Variants in AGAP1 observed in about 807,000 individuals in gnomAD.
The protein encoded by AGAP1 is arf-GAP with GTPase, ANK repeat and PH domain-containing protein 1.
A neutral mutation model predicts 105.3 loss-of-function variants in AGAP1; 29 were observed. The observed-to-expected ratio is 0.28, with a 90% CI of 0.21 to 0.38. The LOEUF is 0.38. Among genes scored for constraint, AGAP1 ranks in the 10% least tolerant of loss-of-function variants. AGAP1 has a pLI of 1.00. For missense variants in AGAP1, 998 were observed against 1,165.1 expected (o/e 0.86, Z 2.09); for synonymous variants, 509 against 485.9 (o/e 1.05, Z -0.63).
At chr2:235,703,203 C>G (rs1342423101) in intron 1 of AGAP1, among the ~76,000 whole-genome samples, 1 of 152,050 alleles carries the variant, frequency 6.6e-6, no homozygotes, top group Non-Finnish European at 1.5e-5. Context: ...GCTGGGATTA[C>G]AGGCGTGAGT....
chr2:235,814,154 C>T (rs371443455), intron 9 of AGAP1, among the ~76,000 whole-genome samples: 33 of 152,122 alleles, frequency 2.2e-4, no homozygotes, highest in African/African-American at 6.0e-4. Context: ...AGTGTTTGGG[C>T]GCAAGAACTG....
chr2:235,710,877 C>T (rs1019213119), intron 2 of AGAP1, among the ~76,000 whole-genome samples: 13 of 152,156 alleles, frequency 8.5e-5, no homozygotes, highest in African/African-American at 2.4e-4. Context: ...GTGGATACAG[C>T]GCTGGCTCTG....
intron 1 of AGAP1, among the ~76,000 whole-genome samples, chr2:235,607,120 C>T (rs982150107): frequency 3.3e-5 from 5 of 152,102 alleles, no homozygotes; most frequent in African/African-American, 1.2e-4. Context: ...GGGTAAGGGA[C>T]GTTTCCCGGA....
chr2:235,518,244 C>CTGTT (rs1304392752), intron 1 of AGAP1, among the ~76,000 whole-genome samples: 2 of 152,228 alleles, frequency 1.3e-5, no homozygotes, highest in Non-Finnish European at 2.9e-5. Context: ...GCTGTTTACA[C>CTGTT]TGTTTGATTG....
rs2048630457 is a variant in AGAP1 at position 235,855,075 on chromosome 2, T to C, written c.1051-28270T>C. On this transcript the variant is annotated intron_variant, in intron 9 of 17. Coordinates refer to ENST00000304032, the MANE Select transcript of AGAP1 (RefSeq NM_001037131.3). This position sits in a 1 kb window ranked among gnomAD's most constrained non-coding sequence, Gnocchi z 5.0. ...TAAACTAGGGTGACTAATGGACCCTTATTTCGTGAAGGAACAGAAAAGTAG... is the reference window on the plus strand; with the variant it reads ...TAAACTAGGGTGACTAATGGACCCTCATTTCGTGAAGGAACAGAAAAGTAG... Among the ~76,000 whole-genome samples, 1 of 152,204 alleles carries C rather than the reference T, an allele frequency of 6.6e-6. No homozygotes were observed. The highest frequency in any genetic ancestry group is 1.9e-4 in the East Asian group (1 of 5,198).
chr2:236,069,968 T>C (rs2058455008), intron 16 of AGAP1, among the ~76,000 whole-genome samples: 1 of 152,272 alleles, frequency 6.6e-6, no homozygotes, highest in South Asian at 2.1e-4. Flanking sequence ...TTGACATGAA[T>C]GGCATGGCTT....
rs1413433751 is a variant in AGAP1 at position 235,751,339 on chromosome 2, G to A, written c.673+851G>A. Reference sequence around the variant, plus strand: ...GGGAGTGGTGGAAGTCACTTGTAGGGTCCTCTCCCCTTCTGGTTTAAATCC... The same window carrying A: ...GGGAGTGGTGGAAGTCACTTGTAGGATCCTCTCCCCTTCTGGTTTAAATCC... On this transcript the variant is annotated intron_variant, in intron 6 of 17. Transcript: ENST00000304032. The surrounding 1 kb of genome is among the most constrained non-coding windows in gnomAD (Gnocchi z 5.3). 6.6e-6 allele frequency among the ~76,000 whole-genome samples: 1 copy of A among 152,116 alleles called. No homozygotes were observed. Among genetic ancestry groups the A allele is most frequent in the Non-Finnish European group, 1.5e-5 (1 of 68,014 alleles).
chr2:235,677,705 A>T (rs1280355724), intron 1 of AGAP1, among the ~76,000 whole-genome samples: 1 of 151,552 alleles, frequency 6.6e-6, no homozygotes, highest in Non-Finnish European at 1.5e-5. Context: ...TGTCATTGCG[A>T]GGGTTTCTTT....
intron 1 of AGAP1, among the ~76,000 whole-genome samples, chr2:235,558,977 C>T (rs1944062159): frequency 6.6e-6 from 1 of 151,994 alleles, no homozygotes; most frequent in South Asian, 2.1e-4. Flanking sequence ...GGCCGGAGTA[C>T]GGTGGTGTGA....
intron 13 of AGAP1, among the ~76,000 whole-genome samples, chr2:236,033,851 T>A (rs1364479694): frequency 6.6e-6 from 1 of 152,268 alleles, no homozygotes; most frequent in Non-Finnish European, 1.5e-5. Flanking sequence ...GGGGACCAGT[T>A]GTGCAGAAAT....
intron 9 of AGAP1, among the ~76,000 whole-genome samples, chr2:235,834,420 C>T (rs1415466163): frequency 6.6e-6 from 1 of 152,170 alleles, no homozygotes; most frequent in Non-Finnish European, 1.5e-5. Flanking sequence ...TCCCTGCCTG[C>T]TGGAATAACT....
rs1961128697 is a variant in AGAP1 at position 235,843,691 on chromosome 2, G to C, written c.1050+36360G>C. On this transcript the variant is annotated intron_variant, in intron 9 of 17. Transcript: ENST00000304032. The surrounding 1 kb of genome is among the most constrained non-coding windows in gnomAD (Gnocchi z 5.9). ...TCTGTTTTAAGGCCAGCTCTCCCTAGATGTGTAGCCACTGGGATCTTTTTC... is the reference window on the plus strand; with the variant it reads ...TCTGTTTTAAGGCCAGCTCTCCCTACATGTGTAGCCACTGGGATCTTTTTC... Among the ~76,000 whole-genome samples, 2 of 152,188 alleles carry C rather than the reference G, an allele frequency of 1.3e-5. No individual in the cohort carries two copies. The highest frequency in any genetic ancestry group is 1.3e-4 in the Admixed American group (2 of 15,280).
intron 9 of AGAP1, among the ~76,000 whole-genome samples, chr2:235,871,960 G>T (rs1330214194): frequency 6.6e-6 from 1 of 152,222 alleles, no homozygotes; most frequent in Non-Finnish European, 1.5e-5. Flanking sequence ...CAGATACCAC[G>T]CTGGCTGTGC....
At chr2:236,064,947 G>A (rs922367428) in intron 16 of AGAP1, among the ~76,000 whole-genome samples, 5 of 152,182 alleles carry the variant, frequency 3.3e-5, no homozygotes, top group Admixed American at 1.3e-4. Context: ...GAGAGATTGT[G>A]TTACTTTTTC....
In AGAP1 at chr2:235,659,913, C is replaced by A. The variant is rs921841461; in HGVS notation, c.164-49266C>A. On this transcript the variant is annotated intron_variant, in intron 1 of 17. Transcript: ENST00000304032. This position sits in a 1 kb window ranked among gnomAD's most constrained non-coding sequence, Gnocchi z 5.0. Reference sequence around the variant, plus strand: ...GGCTCTTTGTGCACAATGGGCCTGGCATGGGCCCAGGCTGGTGGGGTGGGC... The same window carrying A: ...GGCTCTTTGTGCACAATGGGCCTGGAATGGGCCCAGGCTGGTGGGGTGGGC... Among the ~76,000 whole-genome samples the A allele has an allele frequency of 6.6e-6, 1 of 152,172 alleles. No homozygotes were observed. The highest frequency in any genetic ancestry group is 1.9e-4 in the East Asian group (1 of 5,180).
In AGAP1 at chr2:235,888,696, C is replaced by G. The variant is rs1000494570; in HGVS notation, c.1155+5247C>G. Among the ~76,000 whole-genome samples the G allele has an allele frequency of 6.6e-6, 1 of 150,468 alleles. No homozygotes were observed. Among genetic ancestry groups the G allele is most frequent in the East Asian group, 1.9e-4 (1 of 5,132 alleles). On this transcript the variant is annotated intron_variant, in intron 10 of 17. Coordinates refer to ENST00000304032, the MANE Select transcript of AGAP1 (RefSeq NM_001037131.3). This position sits in a 1 kb window ranked among gnomAD's most constrained non-coding sequence, Gnocchi z 4.8. ...CTCCAGCTTGGGCGACCATGCAAGACCCTGTCTTTAAAAAAAAAAAAAAAG... is the reference window on the plus strand; with the variant it reads ...CTCCAGCTTGGGCGACCATGCAAGAGCCTGTCTTTAAAAAAAAAAAAAAAG...
Position 235,665,228 on chromosome 2 carries a change from G to T in AGAP1, c.164-43951G>T, listed in dbSNP as rs1411298827. Among the ~76,000 whole-genome samples the T allele has an allele frequency of 6.6e-6, 1 of 152,142 alleles. No homozygotes were observed. The highest frequency in any genetic ancestry group is 2.1e-4 in the South Asian group (1 of 4,828). On this transcript the variant is annotated intron_variant, in intron 1 of 17. Coordinates refer to ENST00000304032, the MANE Select transcript of AGAP1 (RefSeq NM_001037131.3). The surrounding 1 kb of genome is among the most constrained non-coding windows in gnomAD (Gnocchi z 5.3). ...GGTGTGTTCATACACAATAGACATC[G>T]CCAGTGTTCTGTTGGCAGGAATTGC...
intron 12 of AGAP1, among the ~76,000 whole-genome samples, chr2:235,941,785 A>G (rs1466571504): frequency 2.0e-5 from 3 of 152,106 alleles, no homozygotes; most frequent in South Asian, 4.2e-4. Context: ...AGAACTCAGT[A>G]GGCTAAAGGG....
intron 16 of AGAP1, among the ~76,000 whole-genome samples, chr2:236,106,198 CAG>C (rs974566325): frequency 1.3e-5 from 2 of 152,240 alleles, no homozygotes; most frequent in African/African-American, 4.8e-5. Context: ...ATACCGGAAT[CAG>C]TGTGGCTGGA....
Sources: allele counts gnomAD v4.1 joint callset (sites outside exome capture counted in the v4.1 genomes callset), GRCh38; gene constraint gnomAD v4.1.1; non-coding constraint Gnocchi (gnomAD v3.1); transcripts MANE v1.5; gene names NCBI Gene and HGNC (gene_info 2026-07-23, HGNC 2026-07-21).